The following RFK variants were observed in gnomAD, a reference collection of about 807,000 sequenced individuals.
The protein encoded by RFK is 0610038L10Rik.
In RFK, 4 loss-of-function variants were observed where a neutral mutation model predicts 17.6. The ratio of observed to expected loss-of-function variants is 0.23; its 90% CI spans 0.11 to 0.52. The LOEUF (loss-of-function observed/expected upper bound fraction) is 0.52. Among genes scored for constraint, RFK ranks in the 20% least tolerant of loss-of-function variants. The pLI is 0.96. For missense variants in RFK, 189 were observed against 187.7 expected (o/e 1.01, Z -0.04); for synonymous variants, 59 against 63.8 (o/e 0.92, Z 0.36).
At chr9:76,388,341 AATCT>A in intron 3 of RFK, 1 of 640,956 alleles carries the variant, frequency 1.6e-6, no homozygotes, top group Non-Finnish European at 2.9e-6. Context: ...AATGTTACTT[AATCT>A]CTCTGTGCCA....
Position 76,394,083 on chromosome 9 carries a change from C to T in RFK, c.82+7G>A, listed in dbSNP as rs897154269. On this transcript the variant is annotated splice_region_variant and intron_variant, in intron 1 of 3. Transcript: ENST00000376736. ...GGCCCGGGGGACTCTGGCCGCCCTG[C>T]TCTCACCTGTGGGGATGCCCAGCTG... is the stretch of plus-strand genomic sequence containing the variant. 80 of 1,598,374 alleles carry T rather than the reference C, an allele frequency of 5.0e-5. No homozygotes were observed. Among genetic ancestry groups the T allele is most frequent in the Admixed American group, 2.1e-4 (12 of 57,992 alleles).
chr9:76,388,416 T>C, intron 3 of RFK, 138 bp downstream of exon 3: 1 of 655,028 alleles, frequency 1.5e-6, no homozygotes, highest in Non-Finnish European at 2.7e-6. Context: ...TAGATTCACG[T>C]AAAGCACTTA....
At chr9:76,392,316 G>A (rs1482317969) in intron 2 of RFK, 102 bp downstream of exon 2, 11 of 1,216,858 alleles carry the variant, frequency 9.0e-6, no homozygotes, top group African/African-American at 6.0e-5. Context: ...TTTGAACTAC[G>A]TTGTGATTAC....
rs932928647 is a variant in RFK, at chr9:76,394,248, C to A, written c.-77G>T. ...AGCCGCCGTCGACGCGGCGCCCAGA[C>A]CCCGGACCAGCCGGGGGACAGGAGC... On this transcript the variant is annotated 5_prime_UTR_variant, in exon 1 of 4. Transcript: ENST00000376736. 1.5e-4 allele frequency: 224 copies of A among 1,446,388 alleles called. No homozygotes were observed. The highest frequency in any genetic ancestry group is 2.0e-4 in the Non-Finnish European group (218 of 1,068,490). The allele number at this position is 1,446,388 out of a possible 1,614,324, so 89.6% of individuals were successfully genotyped here.
At chr9:76,391,255 T>C (rs967110989) in intron 2 of RFK, among the ~76,000 whole-genome samples, 3 of 152,266 alleles carry the variant, frequency 2.0e-5, no homozygotes, top group Non-Finnish European at 2.9e-5. Context: ...AGTGACACAC[T>C]TCACTTCTAT....
rs189698608 is a variant in RFK, at chr9:76,391,266, T to C, written c.234+1152A>G. ...CAGCAGTGACACACTTCACTTCTATTAACTCCACACAGAACAAAATTTAGC... is the reference window on the plus strand; with the variant it reads ...CAGCAGTGACACACTTCACTTCTATCAACTCCACACAGAACAAAATTTAGC... On this transcript the variant is annotated intron_variant, in intron 2 of 3. Transcript: ENST00000376736. Among the ~76,000 whole-genome samples the C allele has an allele frequency of 3.5e-4, 53 of 152,362 alleles. 1 individual carries two copies. The highest frequency in any genetic ancestry group is 1.3e-4 in the Non-Finnish European group (9 of 68,036).
Position 76,394,335 on chromosome 9 carries a change from C to A in RFK, c.-164G>T, listed in dbSNP as rs11548956. The A allele has an allele frequency of 2.6e-5, 15 of 580,392 alleles. No individual in the cohort carries two copies. The highest frequency in any genetic ancestry group is 4.0e-5 in the Non-Finnish European group (14 of 351,674). 36.0% of individuals were successfully genotyped at this position (580,392 alleles called of 1,614,324 possible). On this transcript the variant is annotated 5_prime_UTR_variant, in exon 1 of 4. Coordinates refer to ENST00000376736, the MANE Select transcript of RFK (RefSeq NM_018339.6). ...GGACGACGCCGACCACAGGCCACTG[C>A]GAATCCCTGACGCCGCCGACCCAAC...
At chr9:76,393,082 A>G (rs985383336) in intron 1 of RFK, among the ~76,000 whole-genome samples, 2 of 152,200 alleles carry the variant, frequency 1.3e-5, no homozygotes, top group Non-Finnish European at 2.9e-5. Flanking sequence ...CCAGGTAAGT[A>G]TATAAAGCTC....
chr9:76,394,399 G>C lies in RFK; in HGVS notation c.-228C>G. 2.1e-6 allele frequency: 1 copy of C among 472,662 alleles called. No individual in the cohort carries two copies. The highest frequency in any genetic ancestry group is 3.1e-5 in the South Asian group (1 of 32,502). The allele number at this position is 472,662 out of a possible 1,614,324, so 29.3% of individuals were successfully genotyped here. A position where few individuals can be genotyped will look rare whatever the true frequency, so the allele number is the denominator to read the frequency against. On this transcript the variant is annotated 5_prime_UTR_variant, in exon 1 of 4. Transcript: ENST00000376736. ...CGCCTGAGGAGCTGCGTCTCCGCTG[G>C]AGGGCAGCGGAGACAGCCGAAGTAA...
chr9:76,387,276 T>A lies in RFK; in HGVS notation c.*123A>T. The A allele has an allele frequency of 1.1e-6, 1 of 885,028 alleles. No homozygotes were observed. The highest frequency in any genetic ancestry group is 1.8e-6 in the Non-Finnish European group (1 of 571,220). 54.8% of individuals were successfully genotyped at this position (885,028 alleles called of 1,614,324 possible). ...ATGATATGATAACAACATTGTACGG[T>A]TTAAACTAATTCACAACTGTAGTAA... On this transcript the variant is annotated 3_prime_UTR_variant, in exon 4 of 4. Coordinates refer to ENST00000376736, the MANE Select transcript of RFK (RefSeq NM_018339.6).
intron 1 of RFK, chr9:76,393,575 GT>G (rs1822847250): frequency 6.5e-6 from 1 of 152,992 alleles, no homozygotes; most frequent in South Asian, 2.0e-4. Flanking sequence ...GCTCTGGCAT[GT>G]ATTTCTAAGG....
At chr9:76,393,602 G>A (rs536039425) in intron 1 of RFK, 1 of 154,598 alleles carries the variant, frequency 6.5e-6, no homozygotes, top group South Asian at 2.0e-4. Context: ...TTACAGTCAG[G>A]TCTCGATTAT....
chr9:76,394,386 T>A lies in RFK; in HGVS notation c.-215A>T, dbSNP rs1587393703. Reference sequence around the variant, plus strand: ...AAATACCGCCGGGCGCCTGAGGAGCTGCGTCTCCGCTGGAGGGCAGCGGAG... The same window carrying A: ...AAATACCGCCGGGCGCCTGAGGAGCAGCGTCTCCGCTGGAGGGCAGCGGAG... On this transcript the variant is annotated 5_prime_UTR_variant, in exon 1 of 4. Transcript: ENST00000376736. 2 of 475,940 alleles carry A rather than the reference T, an allele frequency of 4.2e-6. No homozygotes were observed. The highest frequency in any genetic ancestry group is 7.4e-6 in the Non-Finnish European group (2 of 271,436). 29.5% of individuals were successfully genotyped at this position (475,940 alleles called of 1,614,324 possible).
chr9:76,388,697 A>G, intron 2 of RFK, 41 bp from the exon 3 acceptor site: 1 of 1,176,734 alleles, frequency 8.5e-7, no homozygotes, highest in South Asian at 1.3e-5. Flanking sequence ...ATCAGACTAC[A>G]GTGTACTGAA....
chr9:76,394,223 A>G lies in RFK; in HGVS notation c.-52T>C, dbSNP rs3739729. The G allele has an allele frequency of 0.29, 443,064 of 1,531,988 alleles. 65,407 individuals are homozygous for G. Among genetic ancestry groups the G allele is most frequent in the Middle Eastern group, 0.39 (2,170 of 5,598 alleles). 94.9% of individuals were successfully genotyped at this position (1,531,988 alleles called of 1,614,324 possible). A position where few individuals can be genotyped will look rare whatever the true frequency, so the allele number is the denominator to read the frequency against. ...GCGGCCCGGTCTGCGCGTCCTGCGG[A>G]GCCGCCGTCGACGCGGCGCCCAGAC... On this transcript the variant is annotated 5_prime_UTR_variant, in exon 1 of 4. Coordinates refer to ENST00000376736, the MANE Select transcript of RFK (RefSeq NM_018339.6).
intron 2 of RFK, 54 bp downstream of exon 2, chr9:76,392,364 A>G (rs1360665255): frequency 1.9e-6 from 3 of 1,572,338 alleles, no homozygotes; most frequent in Non-Finnish European, 1.7e-6. Flanking sequence ...ACTGTAATAT[A>G]TTATTCTAAG....
At chr9:76,392,594 G>C (rs753979381) in intron 1 of RFK, 25 bp from the exon 2 acceptor site, 1 of 1,612,998 alleles carries the variant, frequency 6.2e-7, no homozygotes. Flanking sequence ...AAAATATTTT[G>C]AGTCTTACAA....
chr9:76,394,426 T>G lies in RFK; in HGVS notation c.-255A>C. 50 of 353,922 alleles carry G rather than the reference T, an allele frequency of 1.4e-4. No homozygotes were observed. Among genetic ancestry groups the G allele is most frequent in the East Asian group, 1.7e-4 (3 of 17,430 alleles). 21.9% of individuals were successfully genotyped at this position (353,922 alleles called of 1,614,324 possible). Reference sequence around the variant, plus strand: ...GGGCAGCGGAGACAGCCGAAGTAAGTGCCGGGTGTGAGCGGGGTGGGGGGA... The same window carrying G: ...GGGCAGCGGAGACAGCCGAAGTAAGGGCCGGGTGTGAGCGGGGTGGGGGGA... On this transcript the variant is annotated 5_prime_UTR_variant, in exon 1 of 4. Coordinates refer to ENST00000376736, the MANE Select transcript of RFK (RefSeq NM_018339.6).
intron 2 of RFK, among the ~76,000 whole-genome samples, chr9:76,389,281 A>G (rs1225204462): frequency 6.6e-6 from 1 of 152,192 alleles, no homozygotes; most frequent in African/African-American, 2.4e-5. Context: ...CTTAGAGTCA[A>G]AAGTCTGGGT....
Sources: allele counts gnomAD v4.1 joint callset (sites outside exome capture counted in the v4.1 genomes callset), GRCh38; gene constraint gnomAD v4.1.1; transcripts MANE v1.5; gene names NCBI Gene and HGNC (gene_info 2026-07-23, HGNC 2026-07-21).